The following TMEM40 variants were observed in gnomAD, a reference collection of about 807,000 sequenced individuals.
TMEM40 encodes transmembrane protein 40.
A neutral mutation model predicts 40.8 loss-of-function variants in TMEM40; 34 were observed. The observed-to-expected ratio is 0.83, with a 90% CI of 0.63 to 1.11. TMEM40 has a LOEUF of 1.11. TMEM40 is among the 50% of genes least tolerant of loss of function. The pLI is 0.00. For synonymous variants in TMEM40, 106 were observed against 107.0 expected, an observed-to-expected ratio of 0.99 and a Z score of 0.06; for missense variants, 296 against 280.2, an observed-to-expected ratio of 1.06 and a Z score of -0.40.
intron 3 of TMEM40, among the ~76,000 whole-genome samples, chr3:12,744,688 C>T (rs1219893313): frequency 6.6e-6 from 1 of 152,196 alleles, no homozygotes; most frequent in Non-Finnish European, 1.5e-5. Context: ...TGCTCTTTGG[C>T]CAGTCAGCAT....
Position 12,743,917 on chromosome 3 carries a change from T to TG in TMEM40, c.283dup (p.His95ProfsTer14). On this transcript the variant is annotated frameshift_variant, in exon 4 of 12. Transcript: ENST00000314124. LOFTEE classifies it high-confidence loss of function. ...TTTCCTACCGGGTGAGCCGTTCCCG[T>TG]GGGGGTATCCAGCCCCCAGGCTCCG... 1 of 1,613,302 alleles carries TG rather than the reference T, an allele frequency of 6.2e-7. No individual in the cohort carries two copies. Among genetic ancestry groups the TG allele is most frequent in the Non-Finnish European group, 8.5e-7 (1 of 1,179,734 alleles).
intron 5 of TMEM40, among the ~76,000 whole-genome samples, chr3:12,741,610 A>T (rs2061382158): frequency 6.6e-6 from 1 of 152,196 alleles, no homozygotes; most frequent in African/African-American, 2.4e-5. Context: ...ATGTATCTAC[A>T]TTTTCTACAG....
rs139984617 is a variant in TMEM40 at position 12,736,803 on chromosome 3, C to A, written c.505G>T (p.Ala169Ser). The change falls in exon 9 of 12, where the codon GCC (alanine) becomes TCC (serine). Residue 169 changes from alanine (A) to serine (S), a missense_variant. Ala to Ser is a moderately conservative substitution (Grantham distance 99, BLOSUM62 1). Transcript: ENST00000314124. The part of the protein sequence containing the change: ...EFFHFVLLCF[A>S]IGALLVCYHY... ...TAACACACCAGCAAGGCCCCGATGG[C>A]AAAGCACAGGAGGACGAAATGGAAA... The A allele has an allele frequency of 5.0e-4, 813 of 1,614,156 alleles. 1 individual carries two copies. The highest frequency in any genetic ancestry group is 5.9e-4 in the Non-Finnish European group (698 of 1,180,028).
chr3:12,734,584 C>T lies in TMEM40; in HGVS notation c.*190G>A, dbSNP rs780495165. ...CTTGCAGCTGGGTTGCACAGCAGTA[C>T]TGCCCAAATGAGATGCCCCTGCCCG... On this transcript the variant is annotated 3_prime_UTR_variant, in exon 12 of 12. Coordinates refer to ENST00000314124, the MANE Select transcript of TMEM40 (RefSeq NM_018306.4). 1.5e-6 allele frequency: 1 copy of T among 649,548 alleles called. No homozygotes were observed. Among genetic ancestry groups the T allele is most frequent in the East Asian group, 2.8e-5 (1 of 35,942 alleles). 40.2% of individuals were successfully genotyped at this position (649,548 alleles called of 1,614,324 possible).
At chr3:12,734,969 T>C (rs1045549641) in intron 11 of TMEM40, among the ~76,000 whole-genome samples, 176 bp from the exon 12 acceptor site, 3 of 152,200 alleles carry the variant, frequency 2.0e-5, no homozygotes, top group East Asian at 1.9e-4. Context: ...CTTCATTACA[T>C]GGATTAAAGG....
chr3:12,756,705 C>T (rs893637860), intron 1 of TMEM40, among the ~76,000 whole-genome samples: 4 of 152,148 alleles, frequency 2.6e-5, no homozygotes, highest in African/African-American at 4.8e-5. Context: ...CGGGTCCCTT[C>T]TCCCACAGCC....
At chr3:12,746,387 A>C (rs1477028937) in intron 3 of TMEM40, among the ~76,000 whole-genome samples, 1 of 152,118 alleles carries the variant, frequency 6.6e-6, no homozygotes, top group African/African-American at 2.4e-5. Flanking sequence ...GCAAAGGATG[A>C]TTTGTTTTCT....
chr3:12,745,230 T>G (rs951255477), intron 3 of TMEM40, among the ~76,000 whole-genome samples: 3 of 148,982 alleles, frequency 2.0e-5, no homozygotes, highest in African/African-American at 7.4e-5. Flanking sequence ...TGGCTAATTT[T>G]TTTTTTTTTT....
chr3:12,737,415 T>C, intron 8 of TMEM40: 1 of 487,228 alleles, frequency 2.1e-6, no homozygotes, highest in Non-Finnish European at 3.6e-6. Context: ...GTATTTACCA[T>C]CCTAGTGACT....
chr3:12,760,892 C>A (rs542173709), upstream of TMEM40, among the ~76,000 whole-genome samples: 1 of 152,292 alleles, frequency 6.6e-6, no homozygotes, highest in East Asian at 1.9e-4. Context: ...CAGGCATGCA[C>A]CCCCACGCCT....
At chr3:12,738,030 G>A in intron 7 of TMEM40, 106 bp downstream of exon 7, 1 of 1,396,204 alleles carries the variant, frequency 7.2e-7, no homozygotes, top group Non-Finnish European at 1.0e-6. Context: ...GCTGGCGACA[G>A]CATCCCTGCT....
At chr3:12,765,241 T>C (rs2061588840) in intron 1 of TMEM40, among the ~76,000 whole-genome samples, 1 of 152,208 alleles carries the variant, frequency 6.6e-6, no homozygotes, top group African/African-American at 2.4e-5. Context: ...AACTAGTGAT[T>C]TGTACTCAAC....
chr3:12,736,534 C>T, intron 10 of TMEM40, 44 bp downstream of exon 10: 1 of 1,538,102 alleles, frequency 6.5e-7, no homozygotes, highest in East Asian at 2.4e-5. Context: ...CCCACGACCC[C>T]TCCAAGAGAC....
chr3:12,733,647 C>T lies in TMEM40; in HGVS notation c.*1127G>A, dbSNP rs2061316452. ...AATCAAAACCTCAGAAGTTACCCTT[C>T]TGAGTTTTGAGAACAGCATGTCTGT... On this transcript the variant is annotated 3_prime_UTR_variant, in exon 12 of 12. Coordinates refer to ENST00000314124, the MANE Select transcript of TMEM40 (RefSeq NM_018306.4). 1 of 152,070 alleles carries T rather than the reference C, an allele frequency of 6.6e-6. No homozygotes were observed. The highest frequency in any genetic ancestry group is 2.4e-5 in the African/African-American group (1 of 41,402). 9.4% of individuals were successfully genotyped at this position (152,070 alleles called of 1,614,324 possible). A position where few individuals can be genotyped will look rare whatever the true frequency, so the allele number is the denominator to read the frequency against.
rs766488618 is a variant in TMEM40 at position 12,735,590 on chromosome 3, C to G, written c.647G>C (p.Gly216Ala). The change falls in exon 11 of 12, where the codon GGC becomes GCC. Residue 216 changes from glycine (G) to alanine (A), a missense_variant. Coordinates refer to ENST00000314124, the MANE Select transcript of TMEM40 (RefSeq NM_018306.4). ...AAACTTCTGGAAGAGGGGGATGAAGCCTTGGAGGACGCTGTGGATACGGTA... is the reference window on the plus strand; with the variant it reads ...AAACTTCTGGAAGAGGGGGATGAAGGCTTGGAGGACGCTGTGGATACGGTA... ...LVYRIHSVLQ[G>A]FIPLFQKFRL... 36 of 1,613,268 alleles carry G rather than the reference C, an allele frequency of 2.2e-5. No individual in the cohort carries two copies. In the African/African-American group the frequency reaches 2.9e-4, roughly 13 times the overall value.
At chr3:12,760,542 G>C (rs2061562523), upstream of TMEM40, among the ~76,000 whole-genome samples, 1 of 151,784 alleles carries the variant, frequency 6.6e-6, no homozygotes, top group Non-Finnish European at 1.5e-5. Context: ...GCTCACTTCA[G>C]CTCTCTCCTC....
chr3:12,746,255 T>C (rs566257227), intron 3 of TMEM40, among the ~76,000 whole-genome samples: 1 of 149,164 alleles, frequency 6.7e-6, no homozygotes, highest in South Asian at 2.1e-4. Context: ...GATTCACTGT[T>C]CATTGCTAGT....
intron 1 of TMEM40, among the ~76,000 whole-genome samples, chr3:12,754,217 A>C (rs572553417): frequency 4.2e-4 from 64 of 152,174 alleles, no homozygotes; most frequent in African/African-American, 8.4e-4. Flanking sequence ...GAGGCTGAGG[A>C]AGGAGAATGG....
chr3:12,759,029 G>C (rs936258595), intron 1 of TMEM40, among the ~76,000 whole-genome samples, 162 bp downstream of exon 1: 8 of 152,150 alleles, frequency 5.3e-5, no homozygotes, highest in Non-Finnish European at 7.3e-5. Context: ...CCCTGAAGTA[G>C]AGACAGGTTC....
Sources: gnomAD v4.1 joint callset for allele counts (sites outside exome capture counted in the v4.1 genomes callset) on GRCh38, gnomAD v4.1.1 for gene constraint, MANE v1.5 for transcripts, NCBI Gene and HGNC (gene_info 2026-07-23, HGNC 2026-07-21) for gene names.